BLTP3A: variants seen among roughly 807,000 people sequenced by gnomAD.
The protein encoded by BLTP3A is ICBP90 binding protein 1.
the BLTP3A span, among the ~76,000 whole-genome samples, chr6:34,821,251 C>T: frequency 1.5e-4 from 23 of 152,176 alleles, no homozygotes; most frequent in Non-Finnish European, 2.9e-4. Flanking sequence ...CCACTGCGCC[C>T]GGCTCCCTCT....
At chr6:34,854,203 TA>T in the BLTP3A span, among the ~76,000 whole-genome samples, 1 of 152,054 alleles carries the variant, frequency 6.6e-6, no homozygotes, top group African/African-American at 2.4e-5. Context: ...GCCTGGGCAA[TA>T]GAGTGAGACT....
At chr6:34,801,768 C>G in the BLTP3A span, among the ~76,000 whole-genome samples, 1 of 152,096 alleles carries the variant, frequency 6.6e-6, no homozygotes, top group Non-Finnish European at 1.5e-5. Flanking sequence ...GTCTCCCAGG[C>G]TGGAGTGCAG....
chr6:34,820,264 T>C, the BLTP3A span, among the ~76,000 whole-genome samples: 2 of 152,148 alleles, frequency 1.3e-5, no homozygotes, highest in East Asian at 1.9e-4. Context: ...CTCTCATCCC[T>C]ATCTTGCTCA....
At chr6:34,865,147 G>A in the BLTP3A span, among the ~76,000 whole-genome samples, 1 of 152,116 alleles carries the variant, frequency 6.6e-6, no homozygotes, top group Non-Finnish European at 1.5e-5. Flanking sequence ...TATTTCTCCT[G>A]TTTAACTGAA....
At chr6:34,847,608 T>G in the BLTP3A span, among the ~76,000 whole-genome samples, 2 of 151,986 alleles carry the variant, frequency 1.3e-5, no homozygotes, top group Non-Finnish European at 2.9e-5. Context: ...TCTCTACTGA[T>G]TTTTTGAATT....
chr6:34,809,688 C>G, the BLTP3A span, among the ~76,000 whole-genome samples: 4 of 152,172 alleles, frequency 2.6e-5, no homozygotes, highest in South Asian at 2.1e-4. Flanking sequence ...GCCTCAGCCT[C>G]TGAGTACTGG....
At chr6:34,866,125 A>G in the BLTP3A span, among the ~76,000 whole-genome samples, 1 of 152,178 alleles carries the variant, frequency 6.6e-6, no homozygotes, top group Non-Finnish European at 1.5e-5. Context: ...GTCTAAAAGG[A>G]AAGAGAAGGC....
the BLTP3A span, among the ~76,000 whole-genome samples, chr6:34,799,389 C>T: frequency 6.6e-6 from 1 of 151,852 alleles, no homozygotes; most frequent in South Asian, 2.1e-4. Context: ...ACTTGGGAGG[C>T]TGAAGCAGGA....
the BLTP3A span, among the ~76,000 whole-genome samples, chr6:34,863,379 G>C: frequency 6.6e-6 from 1 of 152,162 alleles, no homozygotes; most frequent in Non-Finnish European, 1.5e-5. Context: ...GCTGGGCAGA[G>C]CTATTATTCT....
At chr6:34,846,563 T>C in the BLTP3A span, among the ~76,000 whole-genome samples, 1 of 152,220 alleles carries the variant, frequency 6.6e-6, no homozygotes, top group Admixed American at 6.5e-5. Flanking sequence ...CTTTTTCAGA[T>C]TGTTTGCTGT....
the BLTP3A span, among the ~76,000 whole-genome samples, chr6:34,862,385 AAATAAT>A: frequency 6.6e-6 from 1 of 151,866 alleles, no homozygotes; most frequent in East Asian, 1.9e-4. Flanking sequence ...CAAAAAAAAA[AAATAAT>A]AATAAAATAA....
the BLTP3A span, among the ~76,000 whole-genome samples, chr6:34,838,733 C>T: frequency 6.6e-6 from 1 of 152,260 alleles, no homozygotes; most frequent in South Asian, 2.1e-4. Context: ...TTCCTTGAGC[C>T]CAGGTGTTCA....
chr6:34,870,386 C>G, the BLTP3A span, among the ~76,000 whole-genome samples: 4 of 152,180 alleles, frequency 2.6e-5, no homozygotes, highest in Admixed American at 6.5e-5. Flanking sequence ...TCCACAGGAT[C>G]CTTGGCTACA....
chr6:34,838,179 A>T, the BLTP3A span, among the ~76,000 whole-genome samples: 1 of 152,254 alleles, frequency 6.6e-6, no homozygotes, highest in Non-Finnish European at 1.5e-5. Flanking sequence ...TCAGGGAGGC[A>T]TCTTGAAGTA....
chr6:34,834,905 C>T, the BLTP3A span: 1 of 1,591,718 alleles, frequency 6.3e-7, no homozygotes, highest in Non-Finnish European at 8.5e-7. Context: ...ATCTCTTATT[C>T]TATGAGACAG....
the BLTP3A span, among the ~76,000 whole-genome samples, chr6:34,822,731 C>T: frequency 6.6e-6 from 1 of 151,906 alleles, no homozygotes; most frequent in African/African-American, 2.4e-5. Flanking sequence ...GTGGCAGGCG[C>T]CTGTAATCCC....
the BLTP3A span, among the ~76,000 whole-genome samples, chr6:34,839,820 C>CA: frequency 1.3e-5 from 2 of 152,238 alleles, no homozygotes; most frequent in Non-Finnish European, 2.9e-5. Context: ...CCTCTGGGCA[C>CA]AACCCAGTTC....
chr6:34,863,271 A>C, the BLTP3A span, among the ~76,000 whole-genome samples: 2 of 152,236 alleles, frequency 1.3e-5, no homozygotes, highest in Non-Finnish European at 2.9e-5. Context: ...GTAAAATGGG[A>C]GGGTGGTATT....
chr6:34,796,751 C>T, the BLTP3A span, among the ~76,000 whole-genome samples: 1 of 152,214 alleles, frequency 6.6e-6, no homozygotes, highest in Non-Finnish European at 1.5e-5. Context: ...AGCAGGGCAG[C>T]CTTTTGCAGT....
Sources: gnomAD v4.1 joint callset for allele counts (sites outside exome capture counted in the v4.1 genomes callset) on GRCh38, gnomAD v4.1.1 for gene constraint, MANE v1.5 for transcripts, NCBI Gene and HGNC (gene_info 2026-07-23, HGNC 2026-07-21) for gene names.